The following RIMS2 variants were observed in gnomAD, a reference collection of about 807,000 sequenced individuals.
RIMS2 encodes regulating synaptic membrane exocytosis 2.
In RIMS2, 59 loss-of-function variants were observed where a neutral mutation model predicts 174.4. That is an observed-to-expected ratio of 0.34 (90% confidence interval 0.27 to 0.42). The LOEUF (loss-of-function observed/expected upper bound fraction) is 0.42, where lower values mean the gene tolerates loss of function less well. Among genes scored for constraint, RIMS2 ranks in the 10% least tolerant of loss-of-function variants. The pLI, the probability that RIMS2 is intolerant of heterozygous loss-of-function variation, is 1.00. For synonymous variants in RIMS2, 606 were observed against 572.5 expected, an observed-to-expected ratio of 1.06 and a Z score of -0.84; for missense variants, 1,620 against 1,666.3, an observed-to-expected ratio of 0.97 and a Z score of 0.48.
At chr8:103,523,711 G>C (rs1251253391) in intron 1 of RIMS2, among the ~76,000 whole-genome samples, 2 of 152,026 alleles carry the variant, frequency 1.3e-5, no homozygotes, top group Non-Finnish European at 2.9e-5. Context: ...CAAACATGAA[G>C]TTTGGTTTGT....
chr8:103,724,989 C>T (rs1591145495), intron 2 of RIMS2, among the ~76,000 whole-genome samples: 2 of 152,204 alleles, frequency 1.3e-5, no homozygotes, highest in East Asian at 3.9e-4. Flanking sequence ...GGTGGATGAA[C>T]TGCCTGTAGA....
At chr8:103,798,799 A>G (rs1201639781) in intron 3 of RIMS2, among the ~76,000 whole-genome samples, 1 of 152,096 alleles carries the variant, frequency 6.6e-6, no homozygotes, top group Admixed American at 6.6e-5. Context: ...ATGTTACCTT[A>G]CCTGGCAAAG....
chr8:104,212,314 G>A (rs556718458), intron 19 of RIMS2, among the ~76,000 whole-genome samples: 2 of 152,298 alleles, frequency 1.3e-5, no homozygotes, highest in African/African-American at 4.8e-5. Context: ...TGTTACAACA[G>A]GTGTTGGAGG....
intron 3 of RIMS2, among the ~76,000 whole-genome samples, chr8:103,811,729 G>T (rs751514781): frequency 1.3e-5 from 2 of 152,180 alleles, no homozygotes; most frequent in Non-Finnish European, 2.9e-5. Context: ...TACAGGCGTG[G>T]GCCACCACAC....
chr8:103,673,872 G>T (rs936749624), intron 1 of RIMS2, among the ~76,000 whole-genome samples: 11 of 152,098 alleles, frequency 7.2e-5, no homozygotes, highest in African/African-American at 2.7e-4. Flanking sequence ...AAACTTTTAG[G>T]CTCTATTTCC....
chr8:104,118,917 T>A (rs551378841), intron 19 of RIMS2, among the ~76,000 whole-genome samples: 2 of 152,180 alleles, frequency 1.3e-5, no homozygotes, highest in African/African-American at 4.8e-5. Flanking sequence ...AGTAATCCCA[T>A]CATGAGGGCT....
intron 14 of RIMS2, among the ~76,000 whole-genome samples, chr8:103,955,779 G>T (rs924683250): frequency 2.6e-5 from 4 of 152,112 alleles, no homozygotes; most frequent in African/African-American, 9.7e-5. Flanking sequence ...AGAAACAAAG[G>T]GTACTCAAGT....
At chr8:103,911,237 CT>C (rs1047378082) in intron 5 of RIMS2, among the ~76,000 whole-genome samples, 9 of 152,108 alleles carry the variant, frequency 5.9e-5, no homozygotes, top group African/African-American at 2.2e-4. Context: ...AAATCATTTA[CT>C]TTCTTTACTT....
chr8:103,830,274 A>G (rs1211876858), intron 3 of RIMS2, among the ~76,000 whole-genome samples: 1 of 151,956 alleles, frequency 6.6e-6, no homozygotes, highest in African/African-American at 2.4e-5. Context: ...TTATGGATTT[A>G]ATTTCCTCTT....
chr8:103,589,789 C>G lies in RIMS2; in HGVS notation c.176+88727C>G, dbSNP rs149974746. Among the ~76,000 whole-genome samples, 1,482 of 151,436 alleles carry G rather than the reference C, an allele frequency of 9.8e-3. 24 individuals carry two copies. The highest frequency in any genetic ancestry group is 0.033 in the African/African-American group (1,376 of 41,452). ...ATTTACTCATTTGCAATAACATGGA[C>G]GGAACTGGAGATCATTATGTTAAGT... On this transcript the variant is annotated intron_variant, in intron 1 of 23. Transcript: ENST00000504942.
chr8:103,699,563 T>A (rs956397413), intron 2 of RIMS2, among the ~76,000 whole-genome samples: 1 of 152,152 alleles, frequency 6.6e-6, no homozygotes, highest in African/African-American at 2.4e-5. Context: ...TTCTTTGTTG[T>A]TGATTTCTGC....
At chr8:103,878,643 C>T (rs956848009) in intron 3 of RIMS2, among the ~76,000 whole-genome samples, 1 of 151,096 alleles carries the variant, frequency 6.6e-6, no homozygotes, top group African/African-American at 2.4e-5. Context: ...GTATTGGTAC[C>T]AGATCTTCTT....
rs185002908 is a variant in RIMS2, at chr8:104,163,470, A to G, written c.3335-81446A>G. On this transcript the variant is annotated intron_variant, in intron 19 of 23. Transcript: ENST00000504942. ...AAGCTTGCCTTGATGAAAAGTTCCAATGATATACGAGTTTATTGCAGAGGA... is the reference window on the plus strand; with the variant it reads ...AAGCTTGCCTTGATGAAAAGTTCCAGTGATATACGAGTTTATTGCAGAGGA... Among the ~76,000 whole-genome samples the G allele has an allele frequency of 5.3e-5, 8 of 152,324 alleles. No individual in the cohort carries two copies. The East Asian group carries it at 1.5e-3, about 29-fold the overall frequency.
rs180705492 is a variant in RIMS2, at chr8:103,662,035, A to G, written c.177-35051A>G. Among the ~76,000 whole-genome samples, 507 of 152,362 alleles carry G rather than the reference A, an allele frequency of 3.3e-3. 3 individuals carry two copies. Among genetic ancestry groups the G allele is most frequent in the Non-Finnish European group, 5.6e-3 (381 of 68,032 alleles). On this transcript the variant is annotated intron_variant, in intron 1 of 23. Transcript: ENST00000504942. ...TTTGGCTTCCCTGGGCTACATTGGA[A>G]GAAGAATTAATTGTCTTCGGCCACA...
At chr8:103,639,959 T>C (rs951550890) in intron 1 of RIMS2, among the ~76,000 whole-genome samples, 9 of 151,954 alleles carry the variant, frequency 5.9e-5, no homozygotes, top group African/African-American at 2.2e-4. Context: ...GTTGAGTCTT[T>C]CTATTCATGA....
At chr8:103,812,183 A>G (rs2098691635) in intron 3 of RIMS2, among the ~76,000 whole-genome samples, 1 of 152,060 alleles carries the variant, frequency 6.6e-6, no homozygotes, top group South Asian at 2.1e-4. Context: ...TTTTATCTCA[A>G]ATTTTGTGAG....
intron 1 of RIMS2, among the ~76,000 whole-genome samples, chr8:103,600,495 T>C (rs931379157): frequency 2.0e-5 from 3 of 152,202 alleles, no homozygotes; most frequent in Non-Finnish European, 4.4e-5. Context: ...GGTCTTGAAC[T>C]CCTGACCTCA....
intron 19 of RIMS2, among the ~76,000 whole-genome samples, chr8:104,204,406 A>T (rs2099070093): frequency 6.6e-6 from 1 of 151,894 alleles, no homozygotes; most frequent in Non-Finnish European, 1.5e-5. Context: ...TACTTAATCG[A>T]AAACCTGTCT....
intron 17 of RIMS2, among the ~76,000 whole-genome samples, chr8:103,992,277 T>A (rs989135613): frequency 0.015 from 1,611 of 110,264 alleles, 18 homozygotes; most frequent in Non-Finnish European, 0.027. Context: ...TCCAGCTATT[T>A]TTTTTTTTTT....
Sources: gnomAD v4.1 joint callset for allele counts (sites outside exome capture counted in the v4.1 genomes callset) on GRCh38, gnomAD v4.1.1 for gene constraint, MANE v1.5 for transcripts, NCBI Gene and HGNC (gene_info 2026-07-23, HGNC 2026-07-21) for gene names.